The following WNT5B variants were observed in gnomAD, a reference collection of about 807,000 sequenced individuals.
The protein encoded by WNT5B is Wnt family member 5B.
In WNT5B, 18 loss-of-function variants were observed where a neutral mutation model predicts 36.5. That is an observed-to-expected ratio of 0.49 (90% CI 0.34 to 0.73). The LOEUF is 0.73. Among genes scored for constraint, WNT5B ranks in the 30% least tolerant of loss-of-function variants. The probability of loss-of-function intolerance (pLI) is 0.01; values close to 1 mark genes in which losing one functional copy is unlikely to be tolerated. For missense variants in WNT5B, 424 were observed against 508.4 expected (o/e 0.83, Z 1.60); for synonymous variants, 213 against 212.3 (o/e 1.00, Z -0.03).
At chr12:1,621,052 C>A (rs2094533274) in intron 1 of WNT5B, among the ~76,000 whole-genome samples, 1 of 8,288 alleles carries the variant, frequency 1.2e-4, no homozygotes. Flanking sequence ...TTTATCCTTT[C>A]AAGAGATAAG....
Position 1,646,367 on chromosome 12 carries a change from T to C in WNT5B, c.*115T>C, listed in dbSNP as rs116126732. 1.3e-3 allele frequency: 1,139 copies of C among 876,654 alleles called. 7 individuals are homozygous for C. The African/African-American group carries it at 0.018, about 14-fold the overall frequency. 54.3% of individuals were successfully genotyped at this position (876,654 alleles called of 1,614,324 possible). A position where few individuals can be genotyped will look rare whatever the true frequency, so the allele number is the denominator to read the frequency against. On this transcript the variant is annotated 3_prime_UTR_variant, in exon 5 of 5. Coordinates refer to ENST00000397196, the MANE Select transcript of WNT5B (RefSeq NM_032642.3). ...AAGTAAATGGGTGGGTGCTATACAA[T>C]GGAAAGATGAAAATGGAAAGGAAGA...
At chr12:1,621,499 G>C (rs1306116836) in intron 1 of WNT5B, among the ~76,000 whole-genome samples, 2 of 152,046 alleles carry the variant, frequency 1.3e-5, no homozygotes, top group African/African-American at 4.8e-5. Flanking sequence ...GAGTTTTCCT[G>C]GGTAATTGAT....
Position 1,631,294 on chromosome 12 carries a change from C to G in WNT5B, c.-57-4C>G. The G allele has an allele frequency of 1.2e-6, 2 of 1,601,180 alleles. No homozygotes were observed. The highest frequency in any genetic ancestry group is 4.5e-5 in the East Asian group (2 of 44,604). On this transcript the variant is annotated splice_polypyrimidine_tract_variant and splice_region_variant and intron_variant, in intron 1 of 4. Coordinates refer to ENST00000397196, the MANE Select transcript of WNT5B (RefSeq NM_032642.3). Reference sequence around the variant, plus strand: ...CACTGACTCTCCATTTCTGTTTTCTCCAGGGAACCCTACTCTGGAAACTGT... The same window carrying G: ...CACTGACTCTCCATTTCTGTTTTCTGCAGGGAACCCTACTCTGGAAACTGT...
chr12:1,639,299 G>T (rs1252479973), intron 3 of WNT5B, among the ~76,000 whole-genome samples: 2 of 151,548 alleles, frequency 1.3e-5, no homozygotes, highest in African/African-American at 2.4e-5. Context: ...CACCACGCCC[G>T]GCTAATTTTT....
chr12:1,621,538 A>G (rs933027762), intron 1 of WNT5B, among the ~76,000 whole-genome samples: 1 of 152,154 alleles, frequency 6.6e-6, no homozygotes, highest in Non-Finnish European at 1.5e-5. Context: ...ATACCAAATC[A>G]GATTTTTTAA....
rs947699481 is a variant in WNT5B at position 1,646,469 on chromosome 12, G to A, written c.*217G>A. The A allele has an allele frequency of 3.2e-6, 1 of 317,416 alleles. No individual in the cohort carries two copies. The highest frequency in any genetic ancestry group is 5.5e-6 in the Non-Finnish European group (1 of 181,492). The allele number at this position is 317,416 out of a possible 1,614,324, so 19.7% of individuals were successfully genotyped here. ...CTCCTCTTGGTGGGTGGGAGACAGG[G>A]CTTTTTCTCTCCCTCTGGCGAGGAC... On this transcript the variant is annotated 3_prime_UTR_variant, in exon 5 of 5. Coordinates refer to ENST00000397196, the MANE Select transcript of WNT5B (RefSeq NM_032642.3).
chr12:1,643,060 C>A (rs926478179), intron 4 of WNT5B, among the ~76,000 whole-genome samples: 3 of 151,998 alleles, frequency 2.0e-5, no homozygotes, highest in Admixed American at 2.0e-4. Flanking sequence ...TATTTTAGAA[C>A]CATATTAAAA....
chr12:1,634,305 C>T (rs767647403), intron 3 of WNT5B, among the ~76,000 whole-genome samples: 4 of 152,308 alleles, frequency 2.6e-5, no homozygotes, highest in South Asian at 2.1e-4. Flanking sequence ...TCCTGCCCTG[C>T]GTTTTGGGCA....
chr12:1,639,856 CGGCTACCGCTTCG>C lies in WNT5B; in HGVS notation c.502_514del (p.Gly168ProfsTer26). ...GCGGCTGTGGGGACAACGTGGAGTA[CGGCTACCGCTTCG>C]CCAAGGAGTTTGTGGATGCCCGGGA... On this transcript the variant is annotated frameshift_variant, in exon 4 of 5. Coordinates refer to ENST00000397196, the MANE Select transcript of WNT5B (RefSeq NM_032642.3). LOFTEE classifies it high-confidence loss of function. The C allele has an allele frequency of 6.2e-7, 1 of 1,613,820 alleles. No individual in the cohort carries two copies. Among genetic ancestry groups the C allele is most frequent in the Non-Finnish European group, 8.5e-7 (1 of 1,179,872 alleles).
chr12:1,626,845 G>GCC (rs1409120186), upstream of WNT5B, among the ~76,000 whole-genome samples: 8 of 152,180 alleles, frequency 5.3e-5, no homozygotes, highest in Non-Finnish European at 1.5e-5. Flanking sequence ...GGTTACAGTT[G>GCC]TGAGCCACTG....
At position 1,645,988 on chromosome 12, in the gene WNT5B, G is replaced by T. The variant is rs2094584784; in HGVS notation, c.816G>T (p.Gln272His). The T allele has an allele frequency of 1.9e-6, 3 of 1,611,468 alleles. No homozygotes were observed. Among genetic ancestry groups the T allele is most frequent in the Non-Finnish European group, 2.5e-6 (3 of 1,179,860 alleles). The change falls in exon 5 of 5, where the codon CAG (glutamine) becomes CAT (histidine). Residue 272 changes from glutamine to histidine, a missense_variant. By Grantham distance (24) the Gln-to-His change is conservative (BLOSUM62 0). Coordinates refer to ENST00000397196, the MANE Select transcript of WNT5B (RefSeq NM_032642.3). ...AGCTGGTCAACAGCCGCTTCACCCA[G>T]CCCACCCCGGAGGACCTGGTCTATG... ...RLELVNSRFT[Q>H]PTPEDLVYVD...
intron 1 of WNT5B, among the ~76,000 whole-genome samples, chr12:1,623,189 T>G (rs866034422): frequency 3.4e-5 from 3 of 87,886 alleles, no homozygotes; most frequent in African/African-American, 1.4e-4. Flanking sequence ...TTTTTGTTGT[T>G]TTTTTTTTTT....
chr12:1,631,548 A>G (rs1274904349), intron 2 of WNT5B, 114 bp downstream of exon 2: 4 of 1,515,146 alleles, frequency 2.6e-6, no homozygotes, highest in Non-Finnish European at 3.6e-6. Flanking sequence ...TGGGAGTACT[A>G]AGGGCCTCTT....
chr12:1,623,961 T>C (rs1376642740), intron 1 of WNT5B, among the ~76,000 whole-genome samples: 2 of 152,178 alleles, frequency 1.3e-5, no homozygotes, highest in Non-Finnish European at 2.9e-5. Context: ...TGTATCTAAG[T>C]GTGTGTATTA....
At chr12:1,639,595 C>A (rs990320248) in intron 3 of WNT5B, 89 bp from the exon 4 acceptor site, 2 of 1,375,824 alleles carry the variant, frequency 1.5e-6, no homozygotes, top group Non-Finnish European at 1.9e-6. Context: ...AGAGCCGTGG[C>A]GTGCGGGTCC....
chr12:1,630,166 G>A lies in WNT5B; in HGVS notation c.-58+795G>A. 3 of 985,280 alleles carry A rather than the reference G, an allele frequency of 3.0e-6. No homozygotes were observed. The highest frequency in any genetic ancestry group is 2.4e-6 in the Non-Finnish European group (2 of 829,832). The allele number at this position is 985,280 out of a possible 1,614,324, so 61.0% of individuals were successfully genotyped here. A position where few individuals can be genotyped will look rare whatever the true frequency, so the allele number is the denominator to read the frequency against. On this transcript the variant is annotated intron_variant, in intron 1 of 4. Transcript: ENST00000397196. The surrounding 1 kb of genome is among the most constrained non-coding windows in gnomAD (Gnocchi z 5.3). ...CCCGCCGCCCCCTCCCGGGGAGCCT[G>A]GGGACGCCGACGCGCGAGAGTGGCG...
Position 1,646,360 on chromosome 12 carries a change from TA to T in WNT5B, c.*109del. The T allele has an allele frequency of 1.1e-6, 1 of 920,194 alleles. No individual in the cohort carries two copies. The highest frequency in any genetic ancestry group is 1.5e-6 in the Non-Finnish European group (1 of 685,576). 57.0% of individuals were successfully genotyped at this position (920,194 alleles called of 1,614,324 possible). ...TTTGTATAAGTAAATGGGTGGGTGC[TA>T]TACAATGGAAAGATGAAAATGGAAA... On this transcript the variant is annotated 3_prime_UTR_variant, in exon 5 of 5. Transcript: ENST00000397196.
upstream of WNT5B, among the ~76,000 whole-genome samples, chr12:1,624,720 G>A (rs1227899733): frequency 6.6e-6 from 1 of 152,116 alleles, no homozygotes; most frequent in Non-Finnish European, 1.5e-5. Flanking sequence ...AACCATACTG[G>A]GCGCAAAGGG....
Position 1,630,273 on chromosome 12 carries a change from C to T in WNT5B, c.-58+902C>T, listed in dbSNP as rs1211027195. The T allele has an allele frequency of 2.0e-6, 2 of 979,124 alleles. No individual in the cohort carries two copies. Among genetic ancestry groups the T allele is most frequent in the Non-Finnish European group, 2.4e-6 (2 of 824,308 alleles). 60.7% of individuals were successfully genotyped at this position (979,124 alleles called of 1,614,324 possible). A position where few individuals can be genotyped will look rare whatever the true frequency, so the allele number is the denominator to read the frequency against. On this transcript the variant is annotated intron_variant, in intron 1 of 4. Transcript: ENST00000397196. The surrounding 1 kb of genome is among the most constrained non-coding windows in gnomAD (Gnocchi z 5.3). ...GCTGGGGGCGCGGGTCACGCCCAGA[C>T]GGGGGCCCCGGAGGACCGCGGGGGA...
Sources: allele counts gnomAD v4.1 joint callset (sites outside exome capture counted in the v4.1 genomes callset), GRCh38; gene constraint gnomAD v4.1.1; non-coding constraint Gnocchi (gnomAD v3.1); transcripts MANE v1.5; gene names NCBI Gene and HGNC (gene_info 2026-07-23, HGNC 2026-07-21).